RAB11FIP3: variants seen among roughly 807,000 people sequenced by gnomAD.
RAB11FIP3 encodes the protein RAB11 family interacting protein 3, also known as rab11 family-interacting protein 3.
A neutral mutation model predicts 77.8 loss-of-function variants in RAB11FIP3; 17 were observed. That is an observed-to-expected ratio of 0.22 (90% CI 0.15 to 0.33). The LOEUF (loss-of-function observed/expected upper bound fraction) is 0.33, where lower values mean the gene tolerates loss of function less well. Among genes scored for constraint, RAB11FIP3 ranks in the 10% least tolerant of loss-of-function variants. The probability of loss-of-function intolerance (pLI) is 1.00; values close to 1 mark genes in which losing one functional copy is unlikely to be tolerated. For missense variants in RAB11FIP3, 1,005 were observed against 1,011.2 expected, an observed-to-expected ratio of 0.99 and a Z score of 0.08; for synonymous variants, 437 against 448.2, an observed-to-expected ratio of 0.98 and a Z score of 0.31.
intron 5 of RAB11FIP3, among the ~76,000 whole-genome samples, chr16:494,093 A>G (rs11646045): frequency 0.78 from 41,488 of 53,360 alleles, 15,335 homozygotes; most frequent in South Asian, 0.89. Context: ...TAGTAGACAC[A>G]GGGTTTCACC....
intron 4 of RAB11FIP3, among the ~76,000 whole-genome samples, chr16:486,006 A>T (rs1284113147): frequency 6.6e-6 from 1 of 152,166 alleles, no homozygotes; most frequent in Non-Finnish European, 1.5e-5. Context: ...GATTCAAGTG[A>T]TTCTCTTGCC....
intron 4 of RAB11FIP3, among the ~76,000 whole-genome samples, chr16:488,197 G>A (rs1176079438): frequency 6.6e-6 from 1 of 152,096 alleles, no homozygotes; most frequent in South Asian, 2.1e-4. Context: ...TGGCTAACAC[G>A]GTGAAACCCC....
chr16:474,117 C>T (rs1306479930), intron 3 of RAB11FIP3, among the ~76,000 whole-genome samples: 2 of 151,540 alleles, frequency 1.3e-5, no homozygotes, highest in East Asian at 3.9e-4. Flanking sequence ...ATCATGTCAT[C>T]TTAAAAAAAA....
chr16:494,040 A>G (rs1165141014), intron 5 of RAB11FIP3, among the ~76,000 whole-genome samples: 1 of 110,030 alleles, frequency 9.1e-6, no homozygotes. Flanking sequence ...AGTAGCTGGG[A>G]CTACAGGCGC....
At chr16:475,622 G>C (rs1421079424) in intron 3 of RAB11FIP3, among the ~76,000 whole-genome samples, 1 of 152,182 alleles carries the variant, frequency 6.6e-6, no homozygotes. Context: ...GAGCAGGTGG[G>C]GTGGCTCCTG....
At chr16:512,952 G>A (rs541023046) in intron 9 of RAB11FIP3, among the ~76,000 whole-genome samples, 3 of 151,974 alleles carry the variant, frequency 2.0e-5, no homozygotes, top group South Asian at 4.2e-4. Context: ...AAAGCGCTGG[G>A]ATTACCAGCG....
At chr16:448,941 GTAAATAAA>G (rs980327625) in intron 1 of RAB11FIP3, among the ~76,000 whole-genome samples, 1 of 152,048 alleles carries the variant, frequency 6.6e-6, no homozygotes, top group East Asian at 1.9e-4. Context: ...ACATAAATAA[GTAAATAAA>G]TAAGTAAATA....
Position 520,264 on chromosome 16 carries a change from G to A in RAB11FIP3, c.2003G>A (p.Arg668His), listed in dbSNP as rs752293510. 7.1e-6 allele frequency: 11 copies of A among 1,544,092 alleles called. No homozygotes were observed. Among genetic ancestry groups the A allele is most frequent in the African/African-American group, 1.4e-5 (1 of 73,432 alleles). Residue 668 changes from arginine (R) to histidine (H), a missense_variant, in exon 12 of 14, where the codon CGC becomes CAC. Arg to His is a conservative substitution (Grantham distance 29). Around this residue, in one of 4 missense-constraint regions of RAB11FIP3, gnomAD observed 90 missense variants for 129.7 expected, o/e 0.69. Transcript: ENST00000262305. Reference protein sequence around the residue: ...ARESELEQEVRRLKQDNRNLK... With the variant: ...ARESELEQEVHRLKQDNRNLK... ...GAGAGCGAGCTGGAGCAGGAGGTCCGCAGGCTGAAGCAGGTGGGCAGGCCT... is the reference window on the plus strand; with the variant it reads ...GAGAGCGAGCTGGAGCAGGAGGTCCACAGGCTGAAGCAGGTGGGCAGGCCT...
At position 426,055 on chromosome 16, in the gene RAB11FIP3, C is replaced by T. The variant is rs2054934532; in HGVS notation, c.49C>T (p.Pro17Ser). 7 of 999,110 alleles carry T rather than the reference C, an allele frequency of 7.0e-6. No homozygotes were observed. Among genetic ancestry groups the T allele is most frequent in the Non-Finnish European group, 8.3e-6 (7 of 840,674 alleles). 61.9% of individuals were successfully genotyped at this position (999,110 alleles called of 1,614,324 possible). ...GCCCCCGGGCTCGGAGCCGCCGGGGCCCGACCCGGAGCCGGGCGGGCCGGA... is the reference window on the plus strand; with the variant it reads ...GCCCCCGGGCTCGGAGCCGCCGGGGTCCGACCCGGAGCCGGGCGGGCCGGA... ...ASPPGSEPPG[P>S]DPEPGGPDGP... Residue 17 changes from proline to serine, a missense_variant, in exon 1 of 14, where the codon CCC (proline) becomes TCC (serine). Around this residue, in one of 4 missense-constraint regions of RAB11FIP3, gnomAD observed 466 missense variants for 408.3 expected, o/e 1.14. Coordinates refer to ENST00000262305, the MANE Select transcript of RAB11FIP3 (RefSeq NM_014700.4). The surrounding 1 kb of genome is among the most constrained non-coding windows in gnomAD (Gnocchi z 5.0).
Position 426,146 on chromosome 16 carries a change from GC to G in RAB11FIP3, c.144del (p.Asp49ThrfsTer191), listed in dbSNP as rs1289773187. On this transcript the variant is annotated frameshift_variant, in exon 1 of 14. Coordinates refer to ENST00000262305, the MANE Select transcript of RAB11FIP3 (RefSeq NM_014700.4). LOFTEE classifies it high-confidence loss of function. This position sits in a 1 kb window ranked among gnomAD's most constrained non-coding sequence, Gnocchi z 5.0. ...CTACGCCTCGGAGCGCCCGTCGGCG[GC>G]CCCGACCCGCAGTCCCCGGGCCTGG... ...AELRLGAPVG[G>X]PDPQSPGLDE... The G allele has an allele frequency of 9.9e-7, 1 of 1,013,386 alleles. No individual in the cohort carries two copies. The highest frequency in any genetic ancestry group is 1.2e-6 in the Non-Finnish European group (1 of 850,032). 62.8% of individuals were successfully genotyped at this position (1,013,386 alleles called of 1,614,324 possible). A position where few individuals can be genotyped will look rare whatever the true frequency, so the allele number is the denominator to read the frequency against.
chr16:485,351 G>T (rs531496884), intron 4 of RAB11FIP3, among the ~76,000 whole-genome samples: 8 of 152,158 alleles, frequency 5.3e-5, no homozygotes, highest in Non-Finnish European at 1.2e-4. Context: ...TGGGGTGTGG[G>T]TATCACAGAT....
intron 1 of RAB11FIP3, among the ~76,000 whole-genome samples, chr16:450,270 A>G (rs745880646): frequency 3.9e-5 from 6 of 152,114 alleles, no homozygotes; most frequent in Non-Finnish European, 7.4e-5. Flanking sequence ...CCCGGGCTCA[A>G]GCGATCCTTC....
intron 4 of RAB11FIP3, among the ~76,000 whole-genome samples, chr16:486,418 G>A (rs1461119620): frequency 6.6e-6 from 1 of 152,200 alleles, no homozygotes; most frequent in Non-Finnish European, 1.5e-5. Context: ...CTTGAACCCA[G>A]AGAGGCAGAG....
At chr16:519,548 GC>G (rs952783442) in intron 10 of RAB11FIP3, among the ~76,000 whole-genome samples, 1 of 152,244 alleles carries the variant, frequency 6.6e-6, no homozygotes, top group African/African-American at 2.4e-5. Context: ...CTCGTGGCCT[GC>G]GTGTGCGCCT....
chr16:503,011 C>CA lies in RAB11FIP3; in HGVS notation c.1310dup (p.His437GlnfsTer28). On this transcript the variant is annotated frameshift_variant, in exon 7 of 14. Transcript: ENST00000262305. LOFTEE classifies it high-confidence loss of function. ...GTTGTGCCTTTTCTGTAGGTACCTG[C>CA]ACCAGTCAGGGGCCCTGACCATGGA... The CA allele has an allele frequency of 6.2e-7, 1 of 1,611,766 alleles. No individual in the cohort carries two copies. The highest frequency in any genetic ancestry group is 8.5e-7 in the Non-Finnish European group (1 of 1,178,438).
intron 9 of RAB11FIP3, among the ~76,000 whole-genome samples, chr16:512,981 G>A (rs994393478): frequency 5.9e-5 from 9 of 151,896 alleles, no homozygotes; most frequent in African/African-American, 2.2e-4. Flanking sequence ...TGTGCCCGCC[G>A]AGGCACAAGC....
chr16:442,970 G>GT (rs1777163826), intron 1 of RAB11FIP3, among the ~76,000 whole-genome samples: 1 of 152,202 alleles, frequency 6.6e-6, no homozygotes, highest in South Asian at 2.1e-4. Flanking sequence ...CAAGGCTGAC[G>GT]TTTTTGCTGT....
chr16:485,019 G>A (rs151231185), intron 4 of RAB11FIP3, among the ~76,000 whole-genome samples: 221 of 152,134 alleles, frequency 1.5e-3, no homozygotes, highest in Admixed American at 2.3e-3. Flanking sequence ...TTTTACTTGC[G>A]CTTCCCGGGT....
Position 499,860 on chromosome 16 carries a change from G to T in RAB11FIP3, c.1301+3001G>T, listed in dbSNP as rs1295573664. 2.0e-5 allele frequency among the ~76,000 whole-genome samples: 3 copies of T among 148,974 alleles called. No homozygotes were observed. In the South Asian group the frequency reaches 6.3e-4, roughly 32 times the overall value. The stretch of plus-strand genomic sequence containing the variant: ...CTGTCGTTAGAGTTTACAAAACAGA[G>T]ACCTCTTCTGCAGTGTGTCTATCCA... On this transcript the variant is annotated intron_variant, in intron 6 of 13. Coordinates refer to ENST00000262305, the MANE Select transcript of RAB11FIP3 (RefSeq NM_014700.4).
Sources: gnomAD v4.1 joint callset for allele counts (sites outside exome capture counted in the v4.1 genomes callset) on GRCh38, gnomAD v4.1.1 for gene constraint, gnomAD v4.1.1 regional missense constraint, Gnocchi (gnomAD v3.1) non-coding constraint, MANE v1.5 for transcripts, NCBI Gene and HGNC (gene_info 2026-07-23, HGNC 2026-07-21) for gene names.